Variants in RNGTT observed in about 807,000 individuals in gnomAD.
The protein encoded by RNGTT is mRNA-capping enzyme.
RNGTT carries 33 observed loss-of-function variants against 79.3 expected under a neutral mutation model. The observed-to-expected ratio is 0.42, with a 90% CI of 0.32 to 0.56. The LOEUF is 0.56. Ranked by LOEUF, RNGTT falls within the 20% of genes least tolerant of loss-of-function variation. The pLI is 0.17. For missense variants in RNGTT, 497 were observed against 739.1 expected (o/e 0.67, Z 3.80); for synonymous variants, 222 against 235.9 (o/e 0.94, Z 0.54).
chr6:88,761,481 T>A (rs60350882), intron 13 of RNGTT, among the ~76,000 whole-genome samples: 20,951 of 151,574 alleles, frequency 0.14, 1,553 homozygotes, highest in Middle Eastern at 0.24. Context: ...ACAGAGTAAG[T>A]CTCTATCTCA....
At chr6:88,822,542 A>G (rs1780528832) in intron 11 of RNGTT, among the ~76,000 whole-genome samples, 1 of 152,200 alleles carries the variant, frequency 6.6e-6, no homozygotes, top group Non-Finnish European at 1.5e-5. Flanking sequence ...TAAATAAACT[A>G]TTCTCTGTCA....
chr6:88,900,879 C>T (rs1384298321), intron 6 of RNGTT, among the ~76,000 whole-genome samples: 4 of 150,990 alleles, frequency 2.6e-5, no homozygotes, highest in Admixed American at 6.6e-5. Flanking sequence ...CGATGGCTCA[C>T]GCCTATAATG....
At chr6:88,668,867 GA>G (rs1163059233) in intron 14 of RNGTT, among the ~76,000 whole-genome samples, 7 of 149,690 alleles carry the variant, frequency 4.7e-5, no homozygotes, top group South Asian at 2.1e-4. Context: ...CAGTCGGGGT[GA>G]AAAAAAAAGC....
intron 14 of RNGTT, among the ~76,000 whole-genome samples, chr6:88,657,178 G>C (rs778541863): frequency 1.5e-4 from 23 of 152,078 alleles, no homozygotes; most frequent in Non-Finnish European, 3.1e-4. Context: ...AACTCCATGA[G>C]ACAGCCAAAA....
intron 8 of RNGTT, among the ~76,000 whole-genome samples, chr6:88,856,979 C>T (rs141534443): frequency 3.4e-3 from 511 of 152,072 alleles, no homozygotes; most frequent in African/African-American, 0.012. Flanking sequence ...CATTCATTCC[C>T]ATTAAAAGGC....
At chr6:88,752,018 C>G (rs552388808) in intron 13 of RNGTT, among the ~76,000 whole-genome samples, 2 of 152,142 alleles carry the variant, frequency 1.3e-5, no homozygotes, top group East Asian at 1.9e-4. Flanking sequence ...TACCCTCCCC[C>G]CATATTCTCT....
chr6:88,693,683 C>T (rs1465310985), intron 13 of RNGTT, among the ~76,000 whole-genome samples: 1 of 152,130 alleles, frequency 6.6e-6, no homozygotes, highest in Non-Finnish European at 1.5e-5. Context: ...CCTTGATGAA[C>T]GTAAATGCAA....
At position 88,834,106 on chromosome 6, in the gene RNGTT, TA is replaced by T. The variant is rs951389577; in HGVS notation, c.1269+10250del. Among the ~76,000 whole-genome samples the T allele has an allele frequency of 3.9e-5, 6 of 152,230 alleles. No homozygotes were observed. The East Asian group carries it at 9.6e-4, about 24-fold the overall frequency. On this transcript the variant is annotated intron_variant, in intron 11 of 15. Coordinates refer to ENST00000369485, the MANE Select transcript of RNGTT (RefSeq NM_003800.5). ...TAGGTATTTTTTTGAATGTTAATTATAAAAAAAATTAGCTCTCATATTTAGC... is the reference window on the plus strand; with the variant it reads ...TAGGTATTTTTTTGAATGTTAATTATAAAAAAATTAGCTCTCATATTTAGC...
chr6:88,785,955 T>C (rs1779216535), intron 12 of RNGTT, among the ~76,000 whole-genome samples: 1 of 152,066 alleles, frequency 6.6e-6, no homozygotes, highest in South Asian at 2.1e-4. Flanking sequence ...AAAATCAAAA[T>C]AGTGATGAAA....
chr6:88,678,372 C>A lies in RNGTT; in HGVS notation c.1487G>T (p.Arg496Ile). Residue 496 changes from arginine (R) to isoleucine (I), a missense_variant, in exon 14 of 16, where the codon AGA (arginine) becomes ATA (isoleucine). By Grantham distance (97) the Arg-to-Ile change is moderately conservative. This residue lies in a region of RNGTT where 440 missense variants were observed against 671.5 expected (regional missense o/e 0.66). Transcript: ENST00000369485. Reference sequence around the variant, plus strand: ...ACATACCTTGATTTGTGCAAAGGGTCTTTCATAACCTCCAACATACAGGAG... The same window carrying A: ...ACATACCTTGATTTGTGCAAAGGGTATTTCATAACCTCCAACATACAGGAG... The part of the protein sequence containing the change: ...VGLLYVGGYE[R>I]PFAQIKVTKE... 6.5e-7 allele frequency: 1 copy of A among 1,539,500 alleles called. No homozygotes were observed. The highest frequency in any genetic ancestry group is 8.8e-7 in the Non-Finnish European group (1 of 1,138,758).
At chr6:88,802,114 C>G (rs1044953267) in intron 11 of RNGTT, among the ~76,000 whole-genome samples, 3 of 152,098 alleles carry the variant, frequency 2.0e-5, no homozygotes, top group Non-Finnish European at 4.4e-5. Flanking sequence ...TAACTACAAA[C>G]TAGCTCAAAC....
intron 1 of RNGTT, among the ~76,000 whole-genome samples, chr6:88,956,412 T>G (rs1450241409): frequency 6.6e-6 from 1 of 151,934 alleles, no homozygotes; most frequent in African/African-American, 2.4e-5. Flanking sequence ...TAAATTAAAA[T>G]TTAAAAATTT....
intron 2 of RNGTT, 127 bp from the exon 3 acceptor site, chr6:88,929,394 C>A: frequency 1.5e-5 from 9 of 585,678 alleles, no homozygotes. Flanking sequence ...GTACTTTGCC[C>A]CTGAACAATT....
At position 88,611,840 on chromosome 6, in the gene RNGTT, T is replaced by C. The variant is rs1477622752; in HGVS notation, c.*879A>G. On this transcript the variant is annotated 3_prime_UTR_variant, in exon 16 of 16. Coordinates refer to ENST00000369485, the MANE Select transcript of RNGTT (RefSeq NM_003800.5). Reference sequence around the variant, plus strand: ...TCGTTTGTATTTGATATCACTCCCATAGATCACAGTGAGTTGTGTGTTTTA... The same window carrying C: ...TCGTTTGTATTTGATATCACTCCCACAGATCACAGTGAGTTGTGTGTTTTA... 2 of 152,646 alleles carry C rather than the reference T, an allele frequency of 1.3e-5. No homozygotes were observed. The allele number at this position is 152,646 out of a possible 1,614,324, so 9.5% of individuals were successfully genotyped here. A position where few individuals can be genotyped will look rare whatever the true frequency, so the allele number is the denominator to read the frequency against.
At position 88,948,389 on chromosome 6, in the gene RNGTT, C is replaced by T. The variant is rs1785102965; in HGVS notation, c.65-7209G>A. On this transcript the variant is annotated intron_variant, in intron 1 of 15. Transcript: ENST00000369485. ...GGGTCAGCCCCCCCGCCCGGCCAGC[C>T]GCCCCGTCCGGGAGGTGAGGGGCGC... Among the ~76,000 whole-genome samples the T allele has an allele frequency of 3.1e-5, 4 of 127,034 alleles. No homozygotes were observed. In the South Asian group the frequency reaches 8.4e-4, roughly 27 times the overall value. 83.3% of individuals were successfully genotyped at this position (127,034 alleles called of 152,430 possible). A position where few individuals can be genotyped will look rare whatever the true frequency, so the allele number is the denominator to read the frequency against.
chr6:88,679,491 C>A (rs989675157), intron 13 of RNGTT, among the ~76,000 whole-genome samples: 1 of 151,994 alleles, frequency 6.6e-6, no homozygotes, highest in African/African-American at 2.4e-5. Context: ...TTATTTTGCA[C>A]GCAATATGGA....
At chr6:88,650,132 AAG>A (rs1228072104) in intron 14 of RNGTT, among the ~76,000 whole-genome samples, 1 of 152,204 alleles carries the variant, frequency 6.6e-6, no homozygotes, top group Admixed American at 6.5e-5. Flanking sequence ...AATAGCATGG[AAG>A]AGTTCATCAC....
chr6:88,711,214 ATACT>A (rs1776306439), intron 13 of RNGTT, among the ~76,000 whole-genome samples: 1 of 152,202 alleles, frequency 6.6e-6, no homozygotes, highest in Non-Finnish European at 1.5e-5. Context: ...TCAACAGTAC[ATACT>A]TAGTTATTAT....
At chr6:88,740,787 G>A (rs1422184022) in intron 13 of RNGTT, among the ~76,000 whole-genome samples, 1 of 152,050 alleles carries the variant, frequency 6.6e-6, no homozygotes, top group Non-Finnish European at 1.5e-5. Flanking sequence ...GGGAGGGAAC[G>A]TAGGCAAGGA....
Sources: allele counts gnomAD v4.1 joint callset (sites outside exome capture counted in the v4.1 genomes callset), GRCh38; gene constraint gnomAD v4.1.1; regional missense constraint gnomAD v4.1.1; transcripts MANE v1.5; gene names NCBI Gene and HGNC (gene_info 2026-07-23, HGNC 2026-07-21).